The following SERINC4 variants were observed in gnomAD, a reference collection of about 807,000 sequenced individuals.
SERINC4 encodes the protein serine incorporator 4.
In SERINC4, 52 loss-of-function variants were observed where a neutral mutation model predicts 52.0. The observed-to-expected ratio is 1.00, with a 90% CI of 0.80 to 1.26. The LOEUF (loss-of-function observed/expected upper bound fraction) is 1.26, where lower values mean the gene tolerates loss of function less well. Among genes scored for constraint, SERINC4 ranks in the 50% most tolerant of loss-of-function variants. The probability of loss-of-function intolerance (pLI) is 0.00; values close to 1 mark genes in which losing one functional copy is unlikely to be tolerated. For synonymous variants in SERINC4, 264 were observed against 247.7 expected, an observed-to-expected ratio of 1.07 and a Z score of -0.62; for missense variants, 723 against 632.8, an observed-to-expected ratio of 1.14 and a Z score of -1.53.
chr15:43,796,427 C>G (rs186131672), intron 8 of SERINC4, 189 bp downstream of exon 8: 1 of 725,698 alleles, frequency 1.4e-6, no homozygotes, highest in East Asian at 2.6e-5. Flanking sequence ...TCATTCCCCC[C>G]ACCCCCTTCA....
Position 43,797,960 on chromosome 15 carries a change from C to T in SERINC4, c.592G>A (p.Val198Met), listed in dbSNP as rs1237880432. The T allele has an allele frequency of 3.1e-6, 5 of 1,613,968 alleles. No homozygotes were observed. The Admixed American group carries it at 5.0e-5, about 16-fold the overall frequency. Residue 198 changes from valine (V) to methionine (M), a missense_variant, in exon 5 of 12, where the codon GTG (valine) becomes ATG (methionine). By Grantham distance (21) the Val-to-Met change is conservative. Coordinates refer to ENST00000319327, the MANE Select transcript of SERINC4 (RefSeq NM_001258031.2). The part of the protein sequence containing the change: ...GGFAFILLQL[V>M]LITAFAHSWN... Reference sequence around the variant, plus strand: ...GAATGGGCAAAAGCTGTAATAAGCACCAACTGCAGTAGGATGAATGCAAAG... The same window carrying T: ...GAATGGGCAAAAGCTGTAATAAGCATCAACTGCAGTAGGATGAATGCAAAG...
At position 43,800,048 on chromosome 15, in the gene SERINC4, TTC is replaced by T; in HGVS notation, c.-64_-63del. ...GAAGGCAGATGAGAGCAGCAGTTGC[TTC>T]TGTCCTCAGCCCATTGGACTGCCAC... On this transcript the variant is annotated 5_prime_UTR_variant, in exon 1 of 12. Coordinates refer to ENST00000319327, the MANE Select transcript of SERINC4 (RefSeq NM_001258031.2). 1 of 1,277,594 alleles carries T rather than the reference TTC, an allele frequency of 7.8e-7. No individual in the cohort carries two copies. The highest frequency in any genetic ancestry group is 1.1e-6 in the Non-Finnish European group (1 of 944,212). The allele number at this position is 1,277,594 out of a possible 1,614,324, so 79.1% of individuals were successfully genotyped here. A position where few individuals can be genotyped will look rare whatever the true frequency, so the allele number is the denominator to read the frequency against.
chr15:43,800,006 C>T lies in SERINC4; in HGVS notation c.-20G>A, dbSNP rs756908308. 3 of 1,489,866 alleles carry T rather than the reference C, an allele frequency of 2.0e-6. No homozygotes were observed. Among genetic ancestry groups the T allele is most frequent in the South Asian group, 1.3e-5 (1 of 76,906 alleles). The allele number at this position is 1,489,866 out of a possible 1,614,324, so 92.3% of individuals were successfully genotyped here. A position where few individuals can be genotyped will look rare whatever the true frequency, so the allele number is the denominator to read the frequency against. Reference sequence around the variant, plus strand: ...CACCATCCTTGTCCCAGGGATTAGGCTTAGGTCCACCAGATGGAAGGCAGA... The same window carrying T: ...CACCATCCTTGTCCCAGGGATTAGGTTTAGGTCCACCAGATGGAAGGCAGA... On this transcript the variant is annotated 5_prime_UTR_variant, in exon 1 of 12. Transcript: ENST00000319327.
rs748977481 is a variant in SERINC4 at position 43,797,818 on chromosome 15, G to A, written c.632+102C>T. On this transcript the variant is annotated intron_variant, in intron 5 of 11. Coordinates refer to ENST00000319327, the MANE Select transcript of SERINC4 (RefSeq NM_001258031.2). ...CTTTTTTGATACTGCTCAGTGGGAA[G>A]CTGTGGGACCAGTGCTCTGCCGTGC... 18 of 776,666 alleles carry A rather than the reference G, an allele frequency of 2.3e-5. No homozygotes were observed. The Middle Eastern group carries it at 3.0e-3, about 130-fold the overall frequency. The allele number at this position is 776,666 out of a possible 1,614,324, so 48.1% of individuals were successfully genotyped here. A position where few individuals can be genotyped will look rare whatever the true frequency, so the allele number is the denominator to read the frequency against.
chr15:43,798,592 C>T (rs776025764), intron 3 of SERINC4, 88 bp from the exon 4 acceptor site: 1 of 959,930 alleles, frequency 1.0e-6, no homozygotes, highest in Non-Finnish European at 1.7e-6. Context: ...AAAGAGAAAC[C>T]AAAAATATAG....
intron 1 of SERINC4, 181 bp from the exon 2 acceptor site, chr15:43,799,667 A>C: frequency 1.2e-6 from 1 of 855,378 alleles, no homozygotes; most frequent in Non-Finnish European, 2.0e-6. Flanking sequence ...GCCCACTGAC[A>C]ACTTAGTAGG....
Position 43,799,355 on chromosome 15 carries a change from C to A in SERINC4, c.234G>T (p.Leu78=), listed in dbSNP as rs1393026899. The A allele has an allele frequency of 2.6e-6, 4 of 1,551,128 alleles. No individual in the cohort carries two copies. The highest frequency in any genetic ancestry group is 3.5e-6 in the Non-Finnish European group (4 of 1,147,102). Residue 78 remains leucine (L), a synonymous_variant, in exon 2 of 12, where the codon CTG becomes CTT. Coordinates refer to ENST00000319327, the MANE Select transcript of SERINC4 (RefSeq NM_001258031.2). ...HVGASAICCL[L]LSRTVVERVW... ...CCCTTTCCACTACTGTCCTTGACAG[C>A]AGGAGGCAGCAGATTGCTGAGGCCC... is the stretch of plus-strand genomic sequence containing the variant.
Position 43,799,403 on chromosome 15 carries a change from C to T in SERINC4, c.186G>A (p.Leu62=), listed in dbSNP as rs2087275652. The change falls in exon 2 of 12, where the codon CTG becomes CTA. Residue 62 remains leucine, a synonymous_variant. Transcript: ENST00000319327. ...PSLTASTCSR[L]FYILLHVGAS... ...CCCCCACATGGAGGAGGATGTAGAACAGGCGGCTGCAAGTGGATGCGGTGA... is the reference window on the plus strand; with the variant it reads ...CCCCCACATGGAGGAGGATGTAGAATAGGCGGCTGCAAGTGGATGCGGTGA... 2 of 1,550,808 alleles carry T rather than the reference C, an allele frequency of 1.3e-6. No homozygotes were observed. Among genetic ancestry groups the T allele is most frequent in the African/African-American group, 1.4e-5 (1 of 73,034 alleles).
intron 2 of SERINC4, 64 bp downstream of exon 2, chr15:43,799,246 T>C (rs543030911): frequency 5.3e-6 from 8 of 1,520,740 alleles, no homozygotes; most frequent in Middle Eastern, 2.0e-4. Flanking sequence ...ACCGAAACCT[T>C]TTCTATCTTA....
At chr15:43,796,022 G>T in intron 9 of SERINC4, 133 bp downstream of exon 9, 1 of 731,972 alleles carries the variant, frequency 1.4e-6, no homozygotes, top group Non-Finnish European at 2.4e-6. Flanking sequence ...CAGTTGCCTA[G>T]CACATTGTGG....
chr15:43,799,593 C>T, intron 1 of SERINC4, 107 bp from the exon 2 acceptor site: 2 of 1,368,700 alleles, frequency 1.5e-6, no homozygotes, highest in Non-Finnish European at 2.0e-6. Flanking sequence ...CAAAATTTCC[C>T]CTTCCCCTTT....
At chr15:43,796,789 A>G in intron 7 of SERINC4, 47 bp from the exon 8 acceptor site, 2 of 1,613,968 alleles carry the variant, frequency 1.2e-6, no homozygotes, top group East Asian at 2.2e-5. Flanking sequence ...TGAGCTAGGT[A>G]TTTGGCAGGG....
Position 43,796,670 on chromosome 15 carries a change from A to C in SERINC4, c.1013T>G (p.Ile338Ser). 6.2e-7 allele frequency: 1 copy of C among 1,614,172 alleles called. No individual in the cohort carries two copies. Among genetic ancestry groups the C allele is most frequent in the Non-Finnish European group, 8.5e-7 (1 of 1,180,020 alleles). Residue 338 changes from isoleucine to serine, a missense_variant, in exon 8 of 12, where the codon ATC becomes AGC. Ile to Ser is a moderately radical substitution (Grantham distance 142). Transcript: ENST00000319327. ...GCTAGCACTCAGCATTGCTAGAGAGATATCTGGTGTTTGGGGTTCCATTTT... is the reference window on the plus strand; with the variant it reads ...GCTAGCACTCAGCATTGCTAGAGAGCTATCTGGTGTTTGGGGTTCCATTTT... ...LSKMEPQTPD[I>S]SLAMLSASIM...
At chr15:43,798,718 G>A in intron 3 of SERINC4, 1 of 624,630 alleles carries the variant, frequency 1.6e-6, no homozygotes. Flanking sequence ...TAGCATCTGG[G>A]CAATGTTTTA....
In SERINC4 at chr15:43,794,940, C is replaced by A. The variant is rs948780561; in HGVS notation, c.*60G>T. The stretch of plus-strand genomic sequence containing the variant: ...TGAGGTATTGAGCTGGGCTGGACAG[C>A]TCCCCTTGAGCCAACTCTAGGAGTA... On this transcript the variant is annotated 3_prime_UTR_variant, in exon 12 of 12. Transcript: ENST00000319327. 2 of 1,373,786 alleles carry A rather than the reference C, an allele frequency of 1.5e-6. No homozygotes were observed. Among genetic ancestry groups the A allele is most frequent in the Non-Finnish European group, 2.0e-6 (2 of 992,662 alleles). The allele number at this position is 1,373,786 out of a possible 1,614,324, so 85.1% of individuals were successfully genotyped here.
At chr15:43,795,236 T>TA in intron 11 of SERINC4, 23 bp from the exon 12 acceptor site, 1 of 1,612,150 alleles carries the variant, frequency 6.2e-7, no homozygotes, top group Non-Finnish European at 8.5e-7. Context: ...AGGCTCTGGT[T>TA]AGAGAATATG....
At position 43,796,196 on chromosome 15, in the gene SERINC4, C is replaced by T; in HGVS notation, c.1099G>A (p.Gly367Arg). 3 of 1,613,980 alleles carry T rather than the reference C, an allele frequency of 1.9e-6. No homozygotes were observed. The highest frequency in any genetic ancestry group is 2.5e-6 in the Non-Finnish European group (3 of 1,179,904). The change falls in exon 9 of 12, where the codon GGA becomes AGA. Residue 367 changes from glycine to arginine, a missense_variant. Coordinates refer to ENST00000319327, the MANE Select transcript of SERINC4 (RefSeq NM_001258031.2). ...TAAACCTTGACAATCCACAGGGGTC[C>T]AAATACCTCAGCCAGGTAGGAGGCC... is the stretch of plus-strand genomic sequence containing the variant. Reference protein sequence around the residue: ...NEASYLAEVFGPLWIVKVYSY... With the variant: ...NEASYLAEVFRPLWIVKVYSY...
In SERINC4 at chr15:43,799,455, C is replaced by G. The variant is rs767349493; in HGVS notation, c.134G>C (p.Ser45Thr). 3.7e-5 allele frequency: 57 copies of G among 1,550,626 alleles called. No individual in the cohort carries two copies. Among genetic ancestry groups the G allele is most frequent in the Non-Finnish European group, 4.7e-5 (54 of 1,147,034 alleles). Residue 45 changes from serine to threonine, a missense_variant, in exon 2 of 12, where the codon AGC becomes ACC. Transcript: ENST00000319327. ...AGAGGGCCACCTAGAGTGGCAGCAGCTGGCACAAGGAGCAGGCCCACAGCA... is the reference window on the plus strand; with the variant it reads ...AGAGGGCCACCTAGAGTGGCAGCAGGTGGCACAAGGAGCAGGCCCACAGCA... Reference protein sequence around the residue: ...VCCCGPAPCASCCHSRWPSLT... With the variant: ...VCCCGPAPCATCCHSRWPSLT...
Position 43,795,002 on chromosome 15 carries a change from A to C in SERINC4, c.1555T>G (p.Ter519GluextTer54). ...ISPDNKYPPV[*>E] ...GAACCCCAGTTTGTGAAAAGGACTT[A>C]GACTGGAGGATATTTGTTATCTGGG... The change falls in exon 12 of 12, where the codon TAA becomes GAA. Residue 519 changes from the stop codon to glutamate (E), a stop_lost. Coordinates refer to ENST00000319327, the MANE Select transcript of SERINC4 (RefSeq NM_001258031.2). 1 of 1,608,906 alleles carries C rather than the reference A, an allele frequency of 6.2e-7. No individual in the cohort carries two copies. Among genetic ancestry groups the C allele is most frequent in the Non-Finnish European group, 8.5e-7 (1 of 1,178,312 alleles).
Sources: allele counts gnomAD v4.1 joint callset, GRCh38; gene constraint gnomAD v4.1.1; transcripts MANE v1.5; gene names NCBI Gene and HGNC (gene_info 2026-07-23, HGNC 2026-07-21).